Variants in MARCHF1 observed in about 807,000 individuals in gnomAD.
MARCHF1 encodes the protein E3 ubiquitin-protein ligase MARCHF1.
In MARCHF1, 40 loss-of-function variants were observed where a neutral mutation model predicts 54.2. The observed-to-expected ratio is 0.74, with a 90% confidence interval of 0.57 to 0.96. The LOEUF (loss-of-function observed/expected upper bound fraction) is 0.96, where lower values mean the gene tolerates loss of function less well. MARCHF1 is among the 40% of genes least tolerant of loss of function. The pLI, the probability that MARCHF1 is intolerant of heterozygous loss-of-function variation, is 0.00. For missense variants in MARCHF1, 586 were observed against 656.5 expected (o/e 0.89, Z 1.17); for synonymous variants, 236 against 236.3 (o/e 1.00, Z 0.01).
chr4:164,039,997 C>A, intron 2 of MARCHF1, among the ~76,000 whole-genome samples: 1 of 145,078 alleles, frequency 6.9e-6, no homozygotes. Flanking sequence ...ACTATATATG[C>A]TTGTATATAT....
chr4:164,054,578 T>C (rs1432386532), intron 2 of MARCHF1, among the ~76,000 whole-genome samples: 1 of 152,002 alleles, frequency 6.6e-6, no homozygotes, highest in Non-Finnish European at 1.5e-5. Context: ...ATATACACCG[T>C]GGAATACTAT....
intron 4 of MARCHF1, among the ~76,000 whole-genome samples, chr4:163,847,049 A>G (rs998222924): frequency 7.9e-5 from 12 of 152,308 alleles, no homozygotes; most frequent in African/African-American, 2.9e-4. Flanking sequence ...CATCCGTACT[A>G]TTGAAATACC....
chr4:163,744,218 C>T (rs994193357), intron 4 of MARCHF1, among the ~76,000 whole-genome samples: 3 of 152,132 alleles, frequency 2.0e-5, no homozygotes, highest in Non-Finnish European at 4.4e-5. Context: ...GTTGAATTTT[C>T]ACGGCATTTT....
At chr4:164,118,928 T>C (rs1389952172) in intron 1 of MARCHF1, among the ~76,000 whole-genome samples, 2 of 133,762 alleles carry the variant, frequency 1.5e-5, no homozygotes, top group African/African-American at 2.7e-5. Context: ...CTCAAGTAGA[T>C]ATGAGAATAA....
At chr4:164,030,923 A>G (rs1335291650) in intron 2 of MARCHF1, among the ~76,000 whole-genome samples, 1 of 152,106 alleles carries the variant, frequency 6.6e-6, no homozygotes, top group Non-Finnish European at 1.5e-5. Flanking sequence ...ATTTTTGCAC[A>G]CTGATTTTGT....
At chr4:163,916,549 C>A (rs1751312021) in intron 3 of MARCHF1, among the ~76,000 whole-genome samples, 1 of 138,312 alleles carries the variant, frequency 7.2e-6, no homozygotes, top group Admixed American at 7.1e-5. Flanking sequence ...TCACTGCCTC[C>A]CTGGTGATCT....
intron 3 of MARCHF1, among the ~76,000 whole-genome samples, chr4:163,974,173 C>T (rs970554212): frequency 2.0e-5 from 3 of 152,162 alleles, no homozygotes; most frequent in South Asian, 2.1e-4. Flanking sequence ...GGGTCTGTGA[C>T]CCCTAATTTT....
intron 5 of MARCHF1, among the ~76,000 whole-genome samples, chr4:163,642,967 A>ATG (rs111972593): frequency 0.039 from 5,977 of 151,786 alleles, 238 homozygotes; most frequent in East Asian, 0.16. Flanking sequence ...ACATATGTGT[A>ATG]TGTGTGTGTG....
chr4:163,909,397 G>A (rs970658302), intron 3 of MARCHF1, among the ~76,000 whole-genome samples: 2 of 151,980 alleles, frequency 1.3e-5, no homozygotes, highest in African/African-American at 4.8e-5. Context: ...GTCCTACTGT[G>A]GTAAATATAA....
chr4:163,749,808 G>C (rs1163535704), intron 4 of MARCHF1, among the ~76,000 whole-genome samples: 1 of 151,806 alleles, frequency 6.6e-6, no homozygotes, highest in Non-Finnish European at 1.5e-5. Context: ...TCACACCTGT[G>C]ATCCCCACTT....
chr4:163,766,646 T>G (rs1471739266), intron 4 of MARCHF1, among the ~76,000 whole-genome samples: 2 of 152,136 alleles, frequency 1.3e-5, no homozygotes, highest in African/African-American at 4.8e-5. Context: ...CCTTACAGAT[T>G]AATAGATAAT....
intron 2 of MARCHF1, among the ~76,000 whole-genome samples, chr4:164,098,382 A>C (rs1453495490): frequency 6.6e-6 from 1 of 152,194 alleles, no homozygotes; most frequent in Non-Finnish European, 1.5e-5. Flanking sequence ...AGAGAACAAA[A>C]AACTCAAGAT....
chr4:164,185,809 CAAA>C (rs33914299), intron 1 of MARCHF1, among the ~76,000 whole-genome samples: 2,140 of 149,496 alleles, frequency 0.014, 21 homozygotes, highest in African/African-American at 0.026. Context: ...CACACACACA[CAAA>C]AAAAAAAACA....
chr4:163,558,529 C>G (rs1234790584), intron 8 of MARCHF1, among the ~76,000 whole-genome samples: 1 of 152,102 alleles, frequency 6.6e-6, no homozygotes, highest in Non-Finnish European at 1.5e-5. Flanking sequence ...GGACAAAAAT[C>G]TAGGAAGTAA....
intron 1 of MARCHF1, among the ~76,000 whole-genome samples, chr4:164,259,586 GA>G (rs949088358): frequency 4.2e-5 from 5 of 120,086 alleles, no homozygotes; most frequent in East Asian, 4.5e-4. Flanking sequence ...AAAGAAAAAA[GA>G]AAAAAAAAAG....
intron 4 of MARCHF1, among the ~76,000 whole-genome samples, chr4:163,777,879 A>G (rs1338442907): frequency 6.6e-6 from 1 of 152,154 alleles, no homozygotes; most frequent in African/African-American, 2.4e-5. Flanking sequence ...ATTCAGAATA[A>G]TTTCTTCATC....
intron 1 of MARCHF1, among the ~76,000 whole-genome samples, chr4:164,311,147 T>C (rs551440845): frequency 6.6e-6 from 1 of 152,272 alleles, no homozygotes; most frequent in South Asian, 2.1e-4. Context: ...GCTCTTGAAA[T>C]AGTATTCTTT....
chr4:163,728,277 G>A (rs1305632969), intron 4 of MARCHF1, among the ~76,000 whole-genome samples: 1 of 152,146 alleles, frequency 6.6e-6, no homozygotes, highest in Non-Finnish European at 1.5e-5. Flanking sequence ...GTCAGGTAGT[G>A]GCAGTGCTCT....
At chr4:164,187,001 T>G (rs1439474929) in intron 1 of MARCHF1, among the ~76,000 whole-genome samples, 1 of 151,118 alleles carries the variant, frequency 6.6e-6, no homozygotes, top group Non-Finnish European at 1.5e-5. Flanking sequence ...TGGTATCAAT[T>G]GCCTTCAACT....
Sources: gnomAD v4.1 joint callset for allele counts (sites outside exome capture counted in the v4.1 genomes callset) on GRCh38, gnomAD v4.1.1 for gene constraint, MANE v1.5 for transcripts, NCBI Gene and HGNC (gene_info 2026-07-23, HGNC 2026-07-21) for gene names.